The following B3GALT5 variants were observed in gnomAD, a reference collection of about 807,000 sequenced individuals.
The protein encoded by B3GALT5 is UDP-Gal:betaGlcNAc beta 1,3-galactosyltransferase, polypeptide 5.
For synonymous variants in B3GALT5, 156 were observed against 158.6 expected, an observed-to-expected ratio of 0.98 and a Z score of 0.12; for missense variants, 328 against 396.6, an observed-to-expected ratio of 0.83 and a Z score of 1.47.
intron 1 of B3GALT5, among the ~76,000 whole-genome samples, chr21:39,623,443 A>T (rs889039347): frequency 6.6e-6 from 1 of 152,102 alleles, no homozygotes; most frequent in Non-Finnish European, 1.5e-5. Flanking sequence ...CTTGACATAC[A>T]CATGAGTTTA....
chr21:39,628,250 A>T (rs139067665), intron 1 of B3GALT5, among the ~76,000 whole-genome samples: 1 of 152,216 alleles, frequency 6.6e-6, no homozygotes, highest in Non-Finnish European at 1.5e-5. Flanking sequence ...ATAAAAATGT[A>T]ATCTCTTTTT....
intron 1 of B3GALT5, among the ~76,000 whole-genome samples, chr21:39,638,796 C>T (rs1156563593): frequency 6.6e-6 from 1 of 152,142 alleles, no homozygotes; most frequent in Non-Finnish European, 1.5e-5. Flanking sequence ...CTTTATGCTC[C>T]CCTAGAGGTT....
At chr21:39,621,816 A>C (rs2079135960) in intron 1 of B3GALT5, among the ~76,000 whole-genome samples, 1 of 151,718 alleles carries the variant, frequency 6.6e-6, no homozygotes, top group African/African-American at 2.4e-5. Flanking sequence ...ATCTTGGTAA[A>C]GTTTTATTTG....
At chr21:39,617,929 A>G (rs1007940189) in intron 1 of B3GALT5, among the ~76,000 whole-genome samples, 4 of 152,150 alleles carry the variant, frequency 2.6e-5, no homozygotes, top group African/African-American at 9.6e-5. Flanking sequence ...CTTGAGCCCA[A>G]GAGTTTGATA....
In B3GALT5 at chr21:39,671,627, C is replaced by T. The variant is rs1304666137; in HGVS notation, c.*10135C>T. 6.6e-6 allele frequency: 1 copy of T among 152,154 alleles called. No individual in the cohort carries two copies. Among genetic ancestry groups the T allele is most frequent in the Non-Finnish European group, 1.5e-5 (1 of 68,032 alleles). 9.4% of individuals were successfully genotyped at this position (152,154 alleles called of 1,614,324 possible). A position where few individuals can be genotyped will look rare whatever the true frequency, so the allele number is the denominator to read the frequency against. ...TTGTTTTTATTTCTGTTTCGTTCTA[C>T]GTGACCCCAAAATCTGTATGTGAAC... On this transcript the variant is annotated 3_prime_UTR_variant, in exon 4 of 4. Transcript: ENST00000684187.
rs2079626414 is a variant in B3GALT5, at chr21:39,671,359, C to T, written c.*9867C>T. On this transcript the variant is annotated 3_prime_UTR_variant, in exon 4 of 4. Transcript: ENST00000684187. ...AGCAATTTCCATGGCTGTGTCGCTC[C>T]TGGCAGATTTTAAAGTTCTTCCAGC... is the stretch of plus-strand genomic sequence containing the variant. The T allele has an allele frequency of 1.3e-5, 2 of 152,140 alleles. No homozygotes were observed. Among genetic ancestry groups the T allele is most frequent in the African/African-American group, 4.8e-5 (2 of 41,428 alleles). The allele number at this position is 152,140 out of a possible 1,614,324, so 9.4% of individuals were successfully genotyped here. A position where few individuals can be genotyped will look rare whatever the true frequency, so the allele number is the denominator to read the frequency against.
At chr21:39,622,441 GATCTATATTATACT>G (rs758613636) in intron 1 of B3GALT5, among the ~76,000 whole-genome samples, 26 of 151,942 alleles carry the variant, frequency 1.7e-4, no homozygotes, top group Non-Finnish European at 3.4e-4. Context: ...AAGTTCTAAA[GATCTATATTATACT>G]ATCTATATTA....
chr21:39,631,351 C>T (rs1026430086), intron 1 of B3GALT5, among the ~76,000 whole-genome samples: 5 of 152,092 alleles, frequency 3.3e-5, no homozygotes, highest in African/African-American at 1.2e-4. Flanking sequence ...GGAGCATCTC[C>T]CTCATCTCCG....
chr21:39,648,266 C>G (rs1183738804), intron 2 of B3GALT5, among the ~76,000 whole-genome samples: 1 of 151,976 alleles, frequency 6.6e-6, no homozygotes, highest in African/African-American at 2.4e-5. Context: ...GTGCTTTTGG[C>G]TGCTTAGAGA....
intron 3 of B3GALT5, among the ~76,000 whole-genome samples, chr21:39,660,330 C>T (rs531125308): frequency 1.3e-5 from 2 of 152,206 alleles, no homozygotes; most frequent in Non-Finnish European, 2.9e-5. Context: ...GAGCCTGGAC[C>T]AATGCCCAGA....
intron 1 of B3GALT5, among the ~76,000 whole-genome samples, chr21:39,639,359 C>CT (rs1569212217): frequency 2.0e-5 from 2 of 100,602 alleles, no homozygotes; most frequent in African/African-American, 7.2e-5. Context: ...TCCTTCCTTC[C>CT]TTCCTTCCTT....
intron 1 of B3GALT5, among the ~76,000 whole-genome samples, chr21:39,629,436 G>C (rs1225150785): frequency 6.6e-6 from 1 of 152,164 alleles, no homozygotes; most frequent in Non-Finnish European, 1.5e-5. Flanking sequence ...TAGAGTGTGA[G>C]TGCATAGTGC....
At chr21:39,639,428 CTTTCTTTCTTTCTTTCTTTCTTTCT>C (rs1569212507) in intron 1 of B3GALT5, among the ~76,000 whole-genome samples, 1 of 109,794 alleles carries the variant, frequency 9.1e-6, no homozygotes, top group African/African-American at 3.4e-5. Context: ...TTCTTTCTTT[CTTTCTTTCTTTCTTTCTTTCTTTCT>C]TTTTTTCTTT....
chr21:39,639,926 G>T (rs554710158), intron 1 of B3GALT5, among the ~76,000 whole-genome samples: 68 of 152,264 alleles, frequency 4.5e-4, no homozygotes, highest in African/African-American at 1.5e-3. Context: ...TAAATAACAA[G>T]CTGTCAATCA....
intron 1 of B3GALT5, among the ~76,000 whole-genome samples, chr21:39,639,458 T>TCTCTCTCTCTC (rs1569212608): frequency 7.5e-6 from 1 of 134,182 alleles, no homozygotes; most frequent in African/African-American, 3.0e-5. Context: ...CTTTCTTTTT[T>TCTCTCTCTCTC]TCTTTCTCTC....
At chr21:39,633,819 G>T (rs887456293) in intron 1 of B3GALT5, among the ~76,000 whole-genome samples, 1 of 152,148 alleles carries the variant, frequency 6.6e-6, no homozygotes, top group South Asian at 2.1e-4. Context: ...TTTGCCCTCC[G>T]GACAGTCCTG....
At chr21:39,620,114 G>C (rs1249054358) in intron 1 of B3GALT5, among the ~76,000 whole-genome samples, 1 of 152,194 alleles carries the variant, frequency 6.6e-6, no homozygotes, top group African/African-American at 2.4e-5. Flanking sequence ...GCGTGAGCCT[G>C]CCCGGCCATA....
intron 1 of B3GALT5, among the ~76,000 whole-genome samples, chr21:39,620,094 G>C (rs1206798735): frequency 1.3e-5 from 2 of 152,236 alleles, no homozygotes; most frequent in East Asian, 3.8e-4. Flanking sequence ...CCAGAGTGCT[G>C]GGATTACAGG....
chr21:39,615,884 A>G (rs1420218198), intron 1 of B3GALT5, among the ~76,000 whole-genome samples: 2 of 152,244 alleles, frequency 1.3e-5, no homozygotes, highest in Non-Finnish European at 2.9e-5. Flanking sequence ...CTGAGTAATA[A>G]TTGTTTTGGA....
Sources: gnomAD v4.1 joint callset for allele counts (sites outside exome capture counted in the v4.1 genomes callset) on GRCh38, gnomAD v4.1.1 for gene constraint, MANE v1.5 for transcripts, NCBI Gene and HGNC (gene_info 2026-07-23, HGNC 2026-07-21) for gene names.